The following PALM2AKAP2 variants were observed in gnomAD, a reference collection of about 807,000 sequenced individuals.
PALM2AKAP2 encodes PALM2 and AKAP2 fusion, also known as PALM2-AKAP2 fusion protein.
Under a neutral mutation model 71.5 loss-of-function variants are expected in PALM2AKAP2, and 37 were observed. That is an observed-to-expected ratio of 0.52 (90% CI 0.40 to 0.68). The LOEUF is 0.68. Among genes scored for constraint, PALM2AKAP2 ranks in the 30% least tolerant of loss-of-function variants. PALM2AKAP2 has a pLI of 0.00. For missense variants in PALM2AKAP2, 1,224 were observed against 1,191.8 expected (o/e 1.03, Z -0.40); for synonymous variants, 468 against 478.8 (o/e 0.98, Z 0.29).
intron 1 of PALM2AKAP2, among the ~76,000 whole-genome samples, chr9:110,099,373 A>G (rs1449861141): frequency 6.6e-6 from 1 of 152,244 alleles, no homozygotes; most frequent in East Asian, 1.9e-4. Context: ...GATAAGGGAA[A>G]AGGCTTTCCC....
chr9:109,691,885 TATATATATATATATATACAC>T (rs1564114905), intron 1 of PALM2AKAP2, among the ~76,000 whole-genome samples: 7 of 65,048 alleles, frequency 1.1e-4, no homozygotes, highest in African/African-American at 4.2e-4. Context: ...CACACACATA[TATATATATATATATATACAC>T]ACACACATAT....
At chr9:109,883,826 A>G (rs528598620) in intron 3 of PALM2AKAP2, among the ~76,000 whole-genome samples, 2 of 152,216 alleles carry the variant, frequency 1.3e-5, no homozygotes, top group Admixed American at 6.5e-5. Flanking sequence ...CGTGACTCTA[A>G]TCTGCGTGTT....
chr9:109,996,624 G>A (rs1832580344), intron 6 of PALM2AKAP2, among the ~76,000 whole-genome samples: 1 of 152,230 alleles, frequency 6.6e-6, no homozygotes, highest in South Asian at 2.1e-4. Context: ...ACCTTTGAGG[G>A]TAGGGTGTTG....
chr9:110,117,182 T>C (rs959501467), intron 1 of PALM2AKAP2, among the ~76,000 whole-genome samples: 9 of 152,304 alleles, frequency 5.9e-5, no homozygotes, highest in Non-Finnish European at 1.3e-4. Context: ...TGCAGTGATG[T>C]GATCACAGCT....
At chr9:109,996,791 G>A (rs985686451) in intron 6 of PALM2AKAP2, among the ~76,000 whole-genome samples, 1 of 152,242 alleles carries the variant, frequency 6.6e-6, no homozygotes, top group Non-Finnish European at 1.5e-5. Flanking sequence ...ATGCACATGG[G>A]TGTGTGCATG....
rs138026269 is a variant in PALM2AKAP2 at position 109,852,085 on chromosome 9, ATAAT to A, written c.46-15402_46-15399del. Among the ~76,000 whole-genome samples, 712 of 152,316 alleles carry A rather than the reference ATAAT, an allele frequency of 4.7e-3. 8 individuals are homozygous for A. Among genetic ancestry groups the A allele is most frequent in the East Asian group, 0.042 (216 of 5,188 alleles). On this transcript the variant is annotated intron_variant, in intron 1 of 9. Coordinates refer to the PALM2AKAP2 transcript ENST00000302798. ...CAGATGATCAGCTTTTAAAAAAAAA[ATAAT>A]TAAAGAATATTTATTTATTTATATT...
chr9:109,966,204 A>G (rs1395337837), intron 6 of PALM2AKAP2, among the ~76,000 whole-genome samples: 1 of 152,178 alleles, frequency 6.6e-6, no homozygotes, highest in Non-Finnish European at 1.5e-5. Context: ...TAGAAAATGG[A>G]TTGAATGGTG....
chr9:109,895,472 C>T (rs1360176950), intron 3 of PALM2AKAP2, among the ~76,000 whole-genome samples: 1 of 152,168 alleles, frequency 6.6e-6, no homozygotes, highest in Non-Finnish European at 1.5e-5. Context: ...GAATTTTTGT[C>T]AGGCTAGAAG....
chr9:109,643,359 G>A (rs1827101046), intron 1 of PALM2AKAP2, among the ~76,000 whole-genome samples: 1 of 152,242 alleles, frequency 6.6e-6, no homozygotes, highest in South Asian at 2.1e-4. Flanking sequence ...CTAAAGGAGA[G>A]CCTGGTCATT....
intron 1 of PALM2AKAP2, among the ~76,000 whole-genome samples, chr9:110,102,667 T>C (rs1182764981): frequency 6.7e-6 from 1 of 149,700 alleles, no homozygotes; most frequent in Non-Finnish European, 1.5e-5. Context: ...GATGCTCAAC[T>C]CCTAGACTTG....
intron 1 of PALM2AKAP2, among the ~76,000 whole-genome samples, chr9:109,648,372 C>T (rs66808615): frequency 0.097 from 14,774 of 152,210 alleles, 854 homozygotes; most frequent in South Asian, 0.2. Flanking sequence ...ATTCAATCGA[C>T]GGATTCTTTT....
At chr9:110,033,833 A>G (rs260194) in intron 7 of PALM2AKAP2, among the ~76,000 whole-genome samples, 45,208 of 152,138 alleles carry the variant, frequency 0.3, 7,241 homozygotes, top group African/African-American at 0.43. Flanking sequence ...GGCACAGATG[A>G]ATACAAATAA....
At chr9:109,774,100 T>A (rs142757034) in intron 1 of PALM2AKAP2, among the ~76,000 whole-genome samples, 171 of 152,400 alleles carry the variant, frequency 1.1e-3, no homozygotes, top group African/African-American at 3.8e-3. Context: ...TTGCAGAATG[T>A]ACACGGCATT....
At chr9:110,014,538 T>C (rs148557857) in intron 6 of PALM2AKAP2, among the ~76,000 whole-genome samples, 1,538 of 151,784 alleles carry the variant, frequency 0.01, 24 homozygotes, top group African/African-American at 0.036. Flanking sequence ...TTTGGGAGGC[T>C]GAAGTGGGCA....
intron 1 of PALM2AKAP2, among the ~76,000 whole-genome samples, chr9:110,072,676 A>G (rs1834230364): frequency 6.6e-6 from 1 of 152,266 alleles, no homozygotes; most frequent in East Asian, 1.9e-4. Context: ...CATAAATGCT[A>G]TAGAGGTGTC....
chr9:109,943,686 T>C (rs1440770307), intron 6 of PALM2AKAP2: 2 of 438,918 alleles, frequency 4.6e-6, no homozygotes, highest in Non-Finnish European at 8.1e-6. Context: ...ACTTCCTTCC[T>C]GCTCGATTGG....
intron 1 of PALM2AKAP2, among the ~76,000 whole-genome samples, chr9:109,831,327 A>G (rs559646165): frequency 2.2e-4 from 34 of 152,126 alleles, no homozygotes; most frequent in Non-Finnish European, 4.7e-4. Context: ...CAGGGTCCGG[A>G]GAGTGTGCTT....
At chr9:110,000,725 T>G (rs1832666683) in intron 6 of PALM2AKAP2, among the ~76,000 whole-genome samples, 1 of 152,244 alleles carries the variant, frequency 6.6e-6, no homozygotes, top group African/African-American at 2.4e-5. Flanking sequence ...TGAGATGGTA[T>G]CTCATTGTAG....
chr9:109,784,904 C>CT (rs11377977), intron 1 of PALM2AKAP2, among the ~76,000 whole-genome samples: 13,070 of 152,272 alleles, frequency 0.086, 752 homozygotes, highest in Admixed American at 0.15. Flanking sequence ...GGCCTACCTC[C>CT]TTTTGAGAGT....
Sources: allele counts gnomAD v4.1 joint callset (sites outside exome capture counted in the v4.1 genomes callset), GRCh38; gene constraint gnomAD v4.1.1; transcripts MANE v1.5; gene names NCBI Gene and HGNC (gene_info 2026-07-23, HGNC 2026-07-21).